The following NTAQ1 variants were observed in gnomAD, a reference collection of about 807,000 sequenced individuals.
NTAQ1 encodes the protein N-terminal glutamine amidase 1.
Under a neutral mutation model 28.2 loss-of-function variants are expected in NTAQ1, and 21 were observed. The ratio of observed to expected loss-of-function variants is 0.74; its 90% confidence interval spans 0.53 to 1.07. The LOEUF is 1.07. NTAQ1 is among the 50% of genes least tolerant of loss of function. The pLI, the probability that NTAQ1 is intolerant of heterozygous loss-of-function variation, is 0.00. For synonymous variants in NTAQ1, 105 were observed against 90.0 expected, an observed-to-expected ratio of 1.17 and a Z score of -0.94; for missense variants, 264 against 256.6, an observed-to-expected ratio of 1.03 and a Z score of -0.20.
intron 6 of NTAQ1, among the ~76,000 whole-genome samples, chr8:123,447,760 T>C (rs939126167): frequency 1.3e-5 from 2 of 152,204 alleles, no homozygotes; most frequent in Non-Finnish European, 2.9e-5. Context: ...TATAAAAATA[T>C]GTTTGTATAT....
At chr8:123,474,203 C>T (rs993095946), downstream of NTAQ1, among the ~76,000 whole-genome samples, 3 of 152,074 alleles carry the variant, frequency 2.0e-5, no homozygotes, top group Admixed American at 6.5e-5. Flanking sequence ...GCAGGTTTTC[C>T]CATTAACGGT....
chr8:123,449,921 A>G (rs7824663), downstream of NTAQ1, among the ~76,000 whole-genome samples: 184 of 25,444 alleles, frequency 7.2e-3, 1 homozygote, highest in Middle Eastern at 0.037. Context: ...ATGTGTGTGT[A>G]TATATATATG....
intron 6 of NTAQ1, among the ~76,000 whole-genome samples, chr8:123,453,863 A>C (rs1179169367): frequency 1.3e-5 from 2 of 152,238 alleles, no homozygotes; most frequent in African/African-American, 4.8e-5. Flanking sequence ...ATAGAAAGCC[A>C]CATAGCTAGT....
intron 6 of NTAQ1, among the ~76,000 whole-genome samples, chr8:123,458,958 G>T (rs1222553452): frequency 6.6e-6 from 1 of 151,994 alleles, no homozygotes; most frequent in Non-Finnish European, 1.5e-5. Flanking sequence ...CATGCCTGCA[G>T]TCCCAGTTAC....
chr8:123,467,222 G>T (rs1474826321), exon 7 of NTAQ1: 1 of 151,926 alleles, frequency 6.6e-6, no homozygotes, highest in Non-Finnish European at 1.5e-5. Flanking sequence ...TTTTTAGTGA[G>T]ATGGGGTTCC....
intron 6 of NTAQ1, among the ~76,000 whole-genome samples, chr8:123,458,259 A>G (rs991316356): frequency 1.1e-4 from 17 of 151,270 alleles, no homozygotes; most frequent in African/African-American, 4.1e-4. Context: ...TTTTCAAACA[A>G]ACACAACTTG....
Position 123,416,863 on chromosome 8 carries a change from G to T in NTAQ1, c.14G>T (p.Gly5Val). 6.5e-7 allele frequency: 1 copy of T among 1,530,250 alleles called. No homozygotes were observed. Among genetic ancestry groups the T allele is most frequent in the Non-Finnish European group, 8.8e-7 (1 of 1,139,550 alleles). The allele number at this position is 1,530,250 out of a possible 1,614,324, so 94.8% of individuals were successfully genotyped here. Residue 5 changes from glycine (G) to valine (V), a missense_variant, in exon 1 of 6, where the codon GGC (glycine) becomes GTC (valine). By Grantham distance (109) the Gly-to-Val change is moderately radical. Coordinates refer to ENST00000287387, the MANE Select transcript of NTAQ1 (RefSeq NM_018024.3). Reference protein sequence around the residue: MEGNGPAAVHYQPAS... With the variant: MEGNVPAAVHYQPAS... Reference sequence around the variant, plus strand: ...AGCTAGCCGGCCATGGAAGGTAATGGCCCCGCTGCTGTCCACTACCAGCCG... The same window carrying T: ...AGCTAGCCGGCCATGGAAGGTAATGTCCCCGCTGCTGTCCACTACCAGCCG...
intron 6 of NTAQ1, among the ~76,000 whole-genome samples, chr8:123,454,377 G>GT (rs573741229): frequency 1.2e-4 from 18 of 151,608 alleles, no homozygotes; most frequent in African/African-American, 4.1e-4. Context: ...GTTTTGTTTT[G>GT]TTTTTTTTGA....
intron 1 of NTAQ1, among the ~76,000 whole-genome samples, chr8:123,421,684 T>C (rs1162771739): frequency 7.2e-6 from 1 of 138,542 alleles, no homozygotes; most frequent in Admixed American, 7.6e-5. Flanking sequence ...AAGTTTTGTA[T>C]TTTTCTTTTC....
chr8:123,439,578 C>A (rs1305376752), intron 5 of NTAQ1, among the ~76,000 whole-genome samples: 1 of 151,976 alleles, frequency 6.6e-6, no homozygotes, highest in Non-Finnish European at 1.5e-5. Flanking sequence ...GATCTCCTGA[C>A]CTCGTGATCT....
chr8:123,465,574 C>CTTTTTTTT (rs71310691), intron 6 of NTAQ1, among the ~76,000 whole-genome samples: 17 of 78,570 alleles, frequency 2.2e-4, no homozygotes, highest in Non-Finnish European at 2.6e-4. Context: ...AGCATAACAT[C>CTTTTTTTT]TTTTTTTTTT....
chr8:123,431,625 G>A (rs1481996803), intron 3 of NTAQ1, among the ~76,000 whole-genome samples: 1 of 152,178 alleles, frequency 6.6e-6, no homozygotes, highest in African/African-American at 2.4e-5. Flanking sequence ...GAAAGCCCAA[G>A]CCCCTCAGCT....
downstream of NTAQ1, among the ~76,000 whole-genome samples, chr8:123,449,873 CT>C (rs1815420495): frequency 7.1e-6 from 1 of 139,954 alleles, no homozygotes; most frequent in South Asian, 2.5e-4. Context: ...CTCTCTCTCT[CT>C]CTCTCTCTCT....
chr8:123,463,839 C>T (rs1815896718), intron 6 of NTAQ1, among the ~76,000 whole-genome samples: 1 of 152,164 alleles, frequency 6.6e-6, no homozygotes, highest in African/African-American at 2.4e-5. Context: ...GTTGTGTCCC[C>T]ACCCAAATCT....
intron 6 of NTAQ1, among the ~76,000 whole-genome samples, chr8:123,455,672 TC>T (rs1427849714): frequency 5.9e-5 from 9 of 151,916 alleles, no homozygotes; most frequent in Admixed American, 5.2e-4. Context: ...CAATCCACCC[TC>T]CTTGGCCTCC....
intron 1 of NTAQ1, among the ~76,000 whole-genome samples, chr8:123,417,935 G>T (rs571398299): frequency 6.6e-6 from 1 of 152,228 alleles, no homozygotes; most frequent in East Asian, 1.9e-4. Flanking sequence ...TCGTGATTCT[G>T]AAGTTCATGC....
At chr8:123,452,324 C>G (rs1815522398), downstream of NTAQ1, among the ~76,000 whole-genome samples, 1 of 152,224 alleles carries the variant, frequency 6.6e-6, no homozygotes, top group Non-Finnish European at 1.5e-5. Flanking sequence ...TGGTCAGGCA[C>G]AGTGGCTCAC....
chr8:123,416,965 C>T (rs780855799), intron 1 of NTAQ1, 33 bp downstream of exon 1: 5 of 1,420,612 alleles, frequency 3.5e-6, no homozygotes, highest in Middle Eastern at 2.6e-4. Context: ...TCTGGGTCTC[C>T]CAGGCTCCCG....
intron 3 of NTAQ1, among the ~76,000 whole-genome samples, chr8:123,434,739 G>A (rs1411095994): frequency 3.9e-5 from 6 of 152,140 alleles, no homozygotes; most frequent in Non-Finnish European, 5.9e-5. Context: ...AAATTGATTC[G>A]TGGGAAGAAA....
Sources: allele counts gnomAD v4.1 joint callset (sites outside exome capture counted in the v4.1 genomes callset), GRCh38; gene constraint gnomAD v4.1.1; transcripts MANE v1.5; gene names NCBI Gene and HGNC (gene_info 2026-07-23, HGNC 2026-07-21).